EFR3B: variants seen among roughly 807,000 people sequenced by gnomAD.
The protein encoded by EFR3B is protein EFR3 homolog B.
A neutral mutation model predicts 104.7 loss-of-function variants in EFR3B; 64 were observed. The ratio of observed to expected loss-of-function variants is 0.61; its 90% CI spans 0.50 to 0.75. EFR3B has a LOEUF of 0.75. EFR3B is among the 30% of genes least tolerant of loss of function. The pLI is 0.00. For synonymous variants in EFR3B, 385 were observed against 417.9 expected (o/e 0.92, Z 0.96); for missense variants, 750 against 1,078.5 (o/e 0.70, Z 4.27).
chr2:25,067,489 C>T (rs993058800), intron 1 of EFR3B, among the ~76,000 whole-genome samples: 13 of 150,600 alleles, frequency 8.6e-5, no homozygotes, highest in African/African-American at 3.2e-4. Flanking sequence ...GGCTGGAGTG[C>T]AGTGGCATGA....
At chr2:25,135,678 G>A (rs1670498133) in intron 13 of EFR3B, 39 bp downstream of exon 13, 1 of 1,547,984 alleles carries the variant, frequency 6.5e-7, no homozygotes, top group East Asian at 2.4e-5. Flanking sequence ...TGCAAGATGG[G>A]GAGAGGACTC....
chr2:25,131,481 C>T lies in EFR3B; in HGVS notation c.963C>T (p.Val321=). ...GIVEVLSEAA[V]IAATGSVGPT... ...TGGAAGTCTTGTCGGAAGCCGCGGTCATCGCTGCCACCGGCTCTGTGGGTA... is the reference window on the plus strand; with the variant it reads ...TGGAAGTCTTGTCGGAAGCCGCGGTTATCGCTGCCACCGGCTCTGTGGGTA... The change falls in exon 9 of 23, where the codon GTC becomes GTT. Residue 321 remains valine (V), a synonymous_variant. Transcript: ENST00000403714. This position sits in a 1 kb window ranked among gnomAD's most constrained non-coding sequence, Gnocchi z 7.6. 1.3e-6 allele frequency: 2 copies of T among 1,549,958 alleles called. No individual in the cohort carries two copies. The highest frequency in any genetic ancestry group is 1.7e-6 in the Non-Finnish European group (2 of 1,146,850).
At chr2:25,065,277 C>G (rs79411273) in intron 1 of EFR3B, among the ~76,000 whole-genome samples, 18,825 of 151,710 alleles carry the variant, frequency 0.12, 1,316 homozygotes, top group South Asian at 0.2. Context: ...AACTCCCTGG[C>G]TCAAGTGATC....
In EFR3B at chr2:25,154,168, T is replaced by C. The variant is rs1322114891; in HGVS notation, c.2349-67T>C. 1.5e-5 allele frequency: 21 copies of C among 1,439,298 alleles called. No individual in the cohort carries two copies. The highest frequency in any genetic ancestry group is 2.0e-5 in the Admixed American group (1 of 49,652). The allele number at this position is 1,439,298 out of a possible 1,614,324, so 89.2% of individuals were successfully genotyped here. ...AACCCAAGTCACCTACTCTGTTTGGTTGCACAAGGGTGGGATCCTAAAATT... is the reference window on the plus strand; with the variant it reads ...AACCCAAGTCACCTACTCTGTTTGGCTGCACAAGGGTGGGATCCTAAAATT... On this transcript the variant is annotated intron_variant, in intron 22 of 22. Transcript: ENST00000403714. This position sits in a 1 kb window ranked among gnomAD's most constrained non-coding sequence, Gnocchi z 4.1.
At position 25,154,259 on chromosome 2, in the gene EFR3B, C is replaced by A. The variant is rs1264080806; in HGVS notation, c.2373C>A (p.Thr791=). 5 of 1,551,878 alleles carry A rather than the reference C, an allele frequency of 3.2e-6. No homozygotes were observed. The highest frequency in any genetic ancestry group is 4.4e-6 in the Non-Finnish European group (5 of 1,147,032). The part of the protein sequence containing the change: ...TIRPPPSPSG[T]ITAAYGQPQN... ...GGCCCCCACCAAGCCCATCAGGAAC[C>A]ATCACTGCAGCCTACGGTCAGCCGC... Residue 791 remains threonine (T), a synonymous_variant, in exon 23 of 23, where the codon ACC becomes ACA. Transcript: ENST00000403714. This position sits in a 1 kb window ranked among gnomAD's most constrained non-coding sequence, Gnocchi z 4.1.
At chr2:25,086,663 G>A (rs1268498261) in intron 1 of EFR3B, among the ~76,000 whole-genome samples, 1 of 152,014 alleles carries the variant, frequency 6.6e-6, no homozygotes, top group African/African-American at 2.4e-5. Flanking sequence ...CATGATCTTG[G>A]CTCACTGCAA....
chr2:25,042,312 G>A lies in EFR3B; in HGVS notation c.-1G>A, dbSNP rs571494856. 4,417 of 1,288,720 alleles carry A rather than the reference G, an allele frequency of 3.4e-3. 16 individuals carry two copies. The highest frequency in any genetic ancestry group is 3.5e-3 in the Non-Finnish European group (3,599 of 1,019,116). The allele number at this position is 1,288,720 out of a possible 1,614,324, so 79.8% of individuals were successfully genotyped here. On this transcript the variant is annotated 5_prime_UTR_variant, in exon 1 of 23. Transcript: ENST00000403714. The surrounding 1 kb of genome is among the most constrained non-coding windows in gnomAD (Gnocchi z 5.4). ...TCTCGAGAGGCGCGCGCCCCGCCGA[G>A]ATGTACGGTAAGGAGGGCTCCGCGC...
chr2:25,105,221 C>T (rs1323882934), intron 4 of EFR3B, among the ~76,000 whole-genome samples: 7 of 152,152 alleles, frequency 4.6e-5, no homozygotes, highest in South Asian at 2.1e-4. Context: ...GGCACAATCT[C>T]GGCTCACTGC....
chr2:25,101,380 C>T (rs752104230), intron 3 of EFR3B, among the ~76,000 whole-genome samples: 6 of 152,186 alleles, frequency 3.9e-5, no homozygotes, highest in Non-Finnish European at 7.3e-5. Context: ...GACAAGATCT[C>T]ACCCTGTCCC....
At chr2:25,059,296 C>T (rs891589207) in intron 1 of EFR3B, among the ~76,000 whole-genome samples, 9 of 151,934 alleles carry the variant, frequency 5.9e-5, no homozygotes, top group Admixed American at 5.9e-4. Context: ...GTTGGTCAGG[C>T]TGGTCTCGAT....
In EFR3B at chr2:25,155,168, G is replaced by A. The variant is rs1159957626; in HGVS notation, c.*828G>A. The A allele has an allele frequency of 6.6e-6, 1 of 152,224 alleles. No homozygotes were observed. The highest frequency in any genetic ancestry group is 1.5e-5 in the Non-Finnish European group (1 of 68,098). The allele number at this position is 152,224 out of a possible 1,614,324, so 9.4% of individuals were successfully genotyped here. A position where few individuals can be genotyped will look rare whatever the true frequency, so the allele number is the denominator to read the frequency against. On this transcript the variant is annotated 3_prime_UTR_variant, in exon 23 of 23. Coordinates refer to ENST00000403714, the MANE Select transcript of EFR3B (RefSeq NM_014971.2). ...CCCAAGGTGTTCCTGGAGCTTCTGG[G>A]TTGAGGAAAGGCAGAGCAAGATAAT...
intron 1 of EFR3B, among the ~76,000 whole-genome samples, chr2:25,088,213 T>G (rs897694290): frequency 1.3e-5 from 2 of 152,128 alleles, no homozygotes; most frequent in African/African-American, 4.8e-5. Flanking sequence ...AGCTCCATTC[T>G]GTTGTGTGAG....
At chr2:25,135,350 C>T (rs1186929524) in intron 12 of EFR3B, 117 bp from the exon 13 acceptor site, 3 of 1,219,294 alleles carry the variant, frequency 2.5e-6, no homozygotes, top group Middle Eastern at 2.7e-4. Flanking sequence ...CTGGATTGGG[C>T]GATGTCTAGA....
chr2:25,083,492 T>G (rs1327600541), intron 1 of EFR3B, among the ~76,000 whole-genome samples: 1 of 152,194 alleles, frequency 6.6e-6, no homozygotes, highest in Non-Finnish European at 1.5e-5. Flanking sequence ...TGTCTATTAT[T>G]TGTTTCTTTC....
At position 25,042,280 on chromosome 2, in the gene EFR3B, G is replaced by T; in HGVS notation, c.-33G>T. The T allele has an allele frequency of 7.6e-7, 1 of 1,307,366 alleles. No individual in the cohort carries two copies. Among genetic ancestry groups the T allele is most frequent in the Non-Finnish European group, 9.7e-7 (1 of 1,028,918 alleles). The allele number at this position is 1,307,366 out of a possible 1,614,324, so 81.0% of individuals were successfully genotyped here. On this transcript the variant is annotated 5_prime_UTR_variant, in exon 1 of 23. Transcript: ENST00000403714. This position sits in a 1 kb window ranked among gnomAD's most constrained non-coding sequence, Gnocchi z 5.4. ...GGCTGGCTGGGAACGCCGCAGCGAC[G>T]CCGGCCTCTCGAGAGGCGCGCGCCC... is the stretch of plus-strand genomic sequence containing the variant.
chr2:25,069,226 T>A (rs757248067), intron 1 of EFR3B, among the ~76,000 whole-genome samples: 9 of 152,110 alleles, frequency 5.9e-5, no homozygotes, highest in Non-Finnish European at 1.2e-4. Flanking sequence ...AGTCACTTTC[T>A]AAGTAAGCAA....
chr2:25,072,753 C>T (rs1668532372), intron 1 of EFR3B, among the ~76,000 whole-genome samples: 1 of 152,186 alleles, frequency 6.6e-6, no homozygotes. Context: ...CTGCAGAATG[C>T]CACGGAGCTC....
chr2:25,046,035 G>C (rs1231502470), intron 1 of EFR3B, among the ~76,000 whole-genome samples: 2 of 152,090 alleles, frequency 1.3e-5, no homozygotes, highest in African/African-American at 4.8e-5. Flanking sequence ...AATGCCTCTC[G>C]TCCCGCTTAG....
At chr2:25,070,956 T>A (rs1381503074) in intron 1 of EFR3B, among the ~76,000 whole-genome samples, 1 of 152,248 alleles carries the variant, frequency 6.6e-6, no homozygotes, top group East Asian at 1.9e-4. Flanking sequence ...AGGCTCAAGC[T>A]CTTTTCTTTT....
Sources: gnomAD v4.1 joint callset for allele counts (sites outside exome capture counted in the v4.1 genomes callset) on GRCh38, gnomAD v4.1.1 for gene constraint, Gnocchi (gnomAD v3.1) non-coding constraint, MANE v1.5 for transcripts, NCBI Gene and HGNC (gene_info 2026-07-23, HGNC 2026-07-21) for gene names.